The following FAM193A variants were observed in gnomAD, a reference collection of about 807,000 sequenced individuals.
The protein encoded by FAM193A is protein FAM193A.
In FAM193A, 22 loss-of-function variants were observed where a neutral mutation model predicts 126.5. The ratio of observed to expected loss-of-function variants is 0.17; its 90% CI spans 0.12 to 0.25. The LOEUF (loss-of-function observed/expected upper bound fraction) is 0.25, where lower values mean the gene tolerates loss of function less well. FAM193A is among the 10% of genes least tolerant of loss of function. The pLI, the probability that FAM193A is intolerant of heterozygous loss-of-function variation, is 1.00. For synonymous variants in FAM193A, 761 were observed against 646.8 expected (o/e 1.18, Z -2.68); for missense variants, 1,675 against 1,672.8 (o/e 1.00, Z -0.02).
At chr4:2,657,972 A>G (rs1711917152) in intron 8 of FAM193A, 92 bp downstream of exon 8, 1 of 884,068 alleles carries the variant, frequency 1.1e-6, no homozygotes, top group Non-Finnish European at 1.9e-6. Flanking sequence ...CTTTGTTAGA[A>G]CAGCATTGGA....
At chr4:2,622,373 G>C (rs1560488529) in intron 2 of FAM193A, among the ~76,000 whole-genome samples, 1 of 151,246 alleles carries the variant, frequency 6.6e-6, no homozygotes. Flanking sequence ...GGTGGTGTAT[G>C]TCCTGCTTCC....
chr4:2,712,673 T>TA (rs1338049098), intron 19 of FAM193A, among the ~76,000 whole-genome samples: 1 of 152,226 alleles, frequency 6.6e-6, no homozygotes, highest in African/African-American at 2.4e-5. Context: ...TTAAGCCCAT[T>TA]CACACTTAGT....
At chr4:2,536,397 C>T (rs1472404008), upstream of FAM193A, among the ~76,000 whole-genome samples, 1 of 151,934 alleles carries the variant, frequency 6.6e-6, no homozygotes, top group African/African-American at 2.4e-5. Context: ...GCGCCCGGGC[C>T]CTCGGCCTCG....
chr4:2,699,211 A>G (rs1472783735), intron 18 of FAM193A, among the ~76,000 whole-genome samples: 1 of 152,066 alleles, frequency 6.6e-6, no homozygotes, highest in East Asian at 1.9e-4. Flanking sequence ...CTTCGCCTGG[A>G]AAGGTGGGTT....
intron 13 of FAM193A, among the ~76,000 whole-genome samples, chr4:2,682,561 A>G (rs1715273964): frequency 6.6e-6 from 1 of 152,224 alleles, no homozygotes. Context: ...AATATCAGCC[A>G]TGTTTGTAAT....
chr4:2,625,945 A>G (rs1742922437), intron 3 of FAM193A, among the ~76,000 whole-genome samples: 1 of 151,976 alleles, frequency 6.6e-6, no homozygotes, highest in African/African-American at 2.4e-5. Context: ...GCTGGTCTCA[A>G]ACTCCTGGAC....
At chr4:2,702,729 A>C (rs374617560) in intron 19 of FAM193A, among the ~76,000 whole-genome samples, 1 of 152,194 alleles carries the variant, frequency 6.6e-6, no homozygotes, top group Non-Finnish European at 1.5e-5. Flanking sequence ...GCTGAGTCCT[A>C]CAACACAGGT....
chr4:2,606,051 T>TTTTC (rs1423698000), intron 2 of FAM193A, among the ~76,000 whole-genome samples: 3 of 110,838 alleles, frequency 2.7e-5, no homozygotes, highest in African/African-American at 1.0e-4. Context: ...ACCTCTTTTT[T>TTTTC]TTTTTTTTTT....
chr4:2,584,846 A>T (rs1228191470), intron 1 of FAM193A, among the ~76,000 whole-genome samples: 1 of 151,982 alleles, frequency 6.6e-6, no homozygotes, highest in Non-Finnish European at 1.5e-5. Context: ...AATTGCTTCA[A>T]CCCAGGTGAC....
At chr4:2,661,361 A>G (rs1422962783) in intron 10 of FAM193A, among the ~76,000 whole-genome samples, 1 of 152,268 alleles carries the variant, frequency 6.6e-6, no homozygotes, top group Non-Finnish European at 1.5e-5. Context: ...TGTACCACAC[A>G]GTACTTCCTG....
Position 2,663,146 on chromosome 4 carries a change from A to G in FAM193A, c.1937A>G (p.Glu646Gly), listed in dbSNP as rs766023953. The change falls in exon 12 of 21, where the codon GAA becomes GGA. Residue 646 changes from glutamate to glycine, a missense_variant. Transcript: ENST00000637812. Reference protein sequence around the residue: ...QISSTSSSSSEADDEEADGES... With the variant: ...QISSTSSSSSGADDEEADGES... ...AGCAGTACCAGCAGTAGTTCCTCAG[A>G]AGCTGATGATGAAGAAGCGGACGGC... The G allele has an allele frequency of 6.2e-7, 1 of 1,614,144 alleles. No homozygotes were observed. The highest frequency in any genetic ancestry group is 1.7e-5 in the Admixed American group (1 of 60,016).
intron 18 of FAM193A, among the ~76,000 whole-genome samples, chr4:2,697,928 C>G (rs2298965): frequency 0.36 from 54,032 of 152,088 alleles, 10,836 homozygotes; most frequent in Admixed American, 0.54. Context: ...CCTGAGTTTT[C>G]AGGGTACTCT....
At chr4:2,672,520 C>T (rs913508964) in intron 13 of FAM193A, 148 bp downstream of exon 13, 2 of 821,348 alleles carry the variant, frequency 2.4e-6, no homozygotes, top group Non-Finnish European at 3.8e-6. Context: ...TTCCTTTCAC[C>T]ATAATCTCTT....
intron 1 of FAM193A, among the ~76,000 whole-genome samples, chr4:2,577,422 G>GT (rs986931980): frequency 0.14 from 15,655 of 115,488 alleles, 2,068 homozygotes; most frequent in African/African-American, 0.34. Context: ...TTTTTTTTTT[G>GT]TTTTTTTTTT....
At chr4:2,688,827 GGAGGACC>G (rs1716041372) in intron 13 of FAM193A, among the ~76,000 whole-genome samples, 1 of 152,234 alleles carries the variant, frequency 6.6e-6, no homozygotes, top group South Asian at 2.1e-4. Context: ...TGAGGCAGAG[GGAGGACC>G]CAAGGGGGCC....
At chr4:2,631,305 G>A (rs1032732091) in intron 5 of FAM193A, 136 bp downstream of exon 5, 2 of 722,144 alleles carry the variant, frequency 2.8e-6, no homozygotes, top group Non-Finnish European at 4.4e-6. Context: ...TCTTCTCTAC[G>A]GGAGAGGACC....
chr4:2,546,721 G>T (rs563955420), intron 1 of FAM193A, among the ~76,000 whole-genome samples: 1 of 152,220 alleles, frequency 6.6e-6, no homozygotes, highest in African/African-American at 2.4e-5. Flanking sequence ...AAATAGAGTT[G>T]CCATAAACAT....
At chr4:2,580,941 A>G (rs945408341) in intron 1 of FAM193A, among the ~76,000 whole-genome samples, 3 of 152,188 alleles carry the variant, frequency 2.0e-5, no homozygotes, top group Non-Finnish European at 2.9e-5. Flanking sequence ...CATCCTGGCT[A>G]ACACGGTGAA....
intron 20 of FAM193A, 111 bp from the exon 21 acceptor site, chr4:2,731,664 T>A: frequency 2.6e-6 from 2 of 780,368 alleles, no homozygotes; most frequent in Non-Finnish European, 4.4e-6. Flanking sequence ...TCTAAACCCC[T>A]GACCCCGCAG....
Sources: gnomAD v4.1 joint callset for allele counts (sites outside exome capture counted in the v4.1 genomes callset) on GRCh38, gnomAD v4.1.1 for gene constraint, MANE v1.5 for transcripts, NCBI Gene and HGNC (gene_info 2026-07-23, HGNC 2026-07-21) for gene names.